Variants in DTNA observed in about 807,000 individuals in gnomAD.
DTNA encodes dystrobrevin alpha, also known as dystrophin-related protein 3.
In DTNA, 43 loss-of-function variants were observed where a neutral mutation model predicts 100.7. That is an observed-to-expected ratio of 0.43 (90% CI 0.33 to 0.55). The LOEUF (loss-of-function observed/expected upper bound fraction) is 0.55, where lower values mean the gene tolerates loss of function less well. DTNA is among the 20% of genes least tolerant of loss of function. DTNA has a pLI of 0.04. For synonymous variants in DTNA, 349 were observed against 347.9 expected, an observed-to-expected ratio of 1.00 and a Z score of -0.04; for missense variants, 798 against 953.9, an observed-to-expected ratio of 0.84 and a Z score of 2.15.
intron 1 of DTNA, among the ~76,000 whole-genome samples, chr18:34,494,535 G>A (rs1158061224): frequency 1.3e-5 from 2 of 152,150 alleles, no homozygotes; most frequent in Non-Finnish European, 2.9e-5. Flanking sequence ...AAAGAGAGAA[G>A]AGGGGTGGCG....
chr18:34,677,250 T>C (rs2077502802), intron 1 of DTNA, among the ~76,000 whole-genome samples: 1 of 152,292 alleles, frequency 6.6e-6, no homozygotes, highest in South Asian at 2.1e-4. Context: ...CTGGTCAAGA[T>C]GTCAACCTGG....
At chr18:34,790,034 A>G (rs998612163) in intron 3 of DTNA, among the ~76,000 whole-genome samples, 13 of 152,350 alleles carry the variant, frequency 8.5e-5, no homozygotes, top group African/African-American at 3.1e-4. Context: ...TGTCTCTGTG[A>G]TTCTTCATGA....
At chr18:34,526,085 T>TA (rs2042585093) in intron 1 of DTNA, among the ~76,000 whole-genome samples, 1 of 152,170 alleles carries the variant, frequency 6.6e-6, no homozygotes, top group Non-Finnish European at 1.5e-5. Context: ...TGGCTGGTGT[T>TA]ACATGATAAA....
intron 1 of DTNA, among the ~76,000 whole-genome samples, chr18:34,496,535 C>T (rs1367263150): frequency 6.6e-6 from 1 of 152,112 alleles, no homozygotes; most frequent in African/African-American, 2.4e-5. Flanking sequence ...TTTCAAGTCC[C>T]ACACCTCTAG....
At chr18:34,731,351 C>T (rs1475849960) in intron 1 of DTNA, among the ~76,000 whole-genome samples, 6 of 151,876 alleles carry the variant, frequency 4.0e-5, no homozygotes, top group Admixed American at 1.3e-4. Flanking sequence ...CGGTGGCGGG[C>T]GCCTGTAGTC....
chr18:34,612,225 G>T (rs974383235), intron 1 of DTNA, among the ~76,000 whole-genome samples: 2 of 152,140 alleles, frequency 1.3e-5, no homozygotes, highest in Non-Finnish European at 2.9e-5. Context: ...CCATCTACGC[G>T]TGCCTGGACC....
chr18:34,564,446 C>T (rs938943999), intron 1 of DTNA, among the ~76,000 whole-genome samples: 2 of 152,166 alleles, frequency 1.3e-5, no homozygotes, highest in Non-Finnish European at 2.9e-5. Flanking sequence ...ACCTGGCCCC[C>T]ACACTTTTGA....
intron 1 of DTNA, among the ~76,000 whole-genome samples, chr18:34,545,924 G>T (rs1324756202): frequency 6.6e-6 from 1 of 152,042 alleles, no homozygotes; most frequent in Non-Finnish European, 1.5e-5. Flanking sequence ...CACACCACCA[G>T]GTCCCAAGCT....
intron 1 of DTNA, among the ~76,000 whole-genome samples, chr18:34,552,394 A>G (rs2045527385): frequency 6.6e-6 from 1 of 151,556 alleles, no homozygotes; most frequent in African/African-American, 2.4e-5. Context: ...TTTTTAAATT[A>G]TACTTTAAGT....
At chr18:34,502,394 C>T (rs2040021363) in intron 1 of DTNA, among the ~76,000 whole-genome samples, 1 of 151,976 alleles carries the variant, frequency 6.6e-6, no homozygotes, top group African/African-American at 2.4e-5. Context: ...TTTTCTCCTA[C>T]TTTTCTTGGA....
intron 1 of DTNA, among the ~76,000 whole-genome samples, chr18:34,677,525 C>A (rs908268084): frequency 1.3e-5 from 2 of 152,082 alleles, no homozygotes; most frequent in African/African-American, 4.8e-5. Flanking sequence ...TTATTATATA[C>A]ATAGATATAG....
At chr18:34,568,028 A>G (rs1442352339) in intron 1 of DTNA, among the ~76,000 whole-genome samples, 2 of 151,868 alleles carry the variant, frequency 1.3e-5, no homozygotes, top group African/African-American at 4.9e-5. Context: ...TTGAAATTTT[A>G]GAAAAAAAAT....
intron 1 of DTNA, among the ~76,000 whole-genome samples, chr18:34,503,586 G>T (rs1361863311): frequency 1.3e-5 from 2 of 151,942 alleles, no homozygotes; most frequent in African/African-American, 4.8e-5. Context: ...GCCTGGCCTA[G>T]TTGGCTCATA....
At chr18:34,598,201 T>C (rs1269773960) in intron 1 of DTNA, among the ~76,000 whole-genome samples, 1 of 151,666 alleles carries the variant, frequency 6.6e-6, no homozygotes, top group Non-Finnish European at 1.5e-5. Context: ...AAGGGAATTC[T>C]CTATTTTCTT....
intron 2 of DTNA, among the ~76,000 whole-genome samples, chr18:34,760,449 C>A (rs1487672118): frequency 6.6e-6 from 1 of 152,086 alleles, no homozygotes; most frequent in Non-Finnish European, 1.5e-5. Context: ...GTTCAGAGTC[C>A]CCCAAAACAA....
chr18:34,835,555 G>C (rs1403248073), intron 11 of DTNA, among the ~76,000 whole-genome samples: 4 of 151,930 alleles, frequency 2.6e-5, no homozygotes, highest in African/African-American at 9.7e-5. Flanking sequence ...GGAAGGAGGA[G>C]AGGAGCCCAA....
intron 3 of DTNA, among the ~76,000 whole-genome samples, chr18:34,777,232 T>TC (rs2094105994): frequency 6.6e-6 from 1 of 152,182 alleles, no homozygotes; most frequent in African/African-American, 2.4e-5. Flanking sequence ...TACTGACATA[T>TC]CCCCCATACC....
chr18:34,576,893 C>T (rs531018244), intron 1 of DTNA, among the ~76,000 whole-genome samples: 83 of 152,280 alleles, frequency 5.5e-4, no homozygotes, highest in African/African-American at 1.9e-3. Context: ...TGCTGGCGGT[C>T]AGCAAACTGT....
intron 13 of DTNA, among the ~76,000 whole-genome samples, chr18:34,842,172 A>AACC (rs2096280853): frequency 1.3e-5 from 2 of 152,150 alleles, no homozygotes; most frequent in African/African-American, 4.8e-5. Flanking sequence ...AATGATTTGA[A>AACC]ACCAGCCCAG....
Sources: gnomAD v4.1 joint callset for allele counts (sites outside exome capture counted in the v4.1 genomes callset) on GRCh38, gnomAD v4.1.1 for gene constraint, MANE v1.5 for transcripts, NCBI Gene and HGNC (gene_info 2026-07-23, HGNC 2026-07-21) for gene names.